ITPRID1: variants seen among roughly 807,000 people sequenced by gnomAD.
ITPRID1 encodes the protein ITPR interacting domain containing 1.
ITPRID1 carries 96 observed loss-of-function variants against 95.4 expected under a neutral mutation model. The observed-to-expected ratio is 1.01, with a 90% CI of 0.85 to 1.19. ITPRID1 has a LOEUF of 1.19. Ranked by LOEUF, ITPRID1 falls within the 50% of genes most tolerant of loss-of-function variation. The pLI, the probability that ITPRID1 is intolerant of heterozygous loss-of-function variation, is 0.00. For synonymous variants in ITPRID1, 510 were observed against 453.6 expected, an observed-to-expected ratio of 1.12 and a Z score of -1.58; for missense variants, 1,339 against 1,252.9, an observed-to-expected ratio of 1.07 and a Z score of -1.04.
Position 31,578,153 on chromosome 7 carries a change from C to A in ITPRID1, c.889C>A (p.Leu297Ile). 6.2e-7 allele frequency: 1 copy of A among 1,613,734 alleles called. No individual in the cohort carries two copies. Among genetic ancestry groups the A allele is most frequent in the Non-Finnish European group, 8.5e-7 (1 of 1,179,800 alleles). ...FTKPWDCGAE[L>I]AATSINHKQN... is the part of the protein sequence containing the mutation. ...AAAACCATGGGATTGTGGAGCAGAG[C>A]TAGCAGCAACCTCAATCAACCACAA... is the stretch of plus-strand genomic sequence containing the variant. Residue 297 changes from leucine to isoleucine, a missense_variant, in exon 9 of 15, where the codon CTA becomes ATA. Coordinates refer to ENST00000615280, the MANE Select transcript of ITPRID1 (RefSeq NM_001257967.3).
chr7:31,633,355 A>G (rs1322429603), intron 10 of ITPRID1, among the ~76,000 whole-genome samples: 3 of 152,218 alleles, frequency 2.0e-5, no homozygotes, highest in South Asian at 2.1e-4. Context: ...CCTAAAACGT[A>G]TGATGCTCTC....
intron 10 of ITPRID1, among the ~76,000 whole-genome samples, chr7:31,621,561 G>C (rs977686087): frequency 2.0e-5 from 3 of 148,114 alleles, no homozygotes; most frequent in South Asian, 2.2e-4. Flanking sequence ...AATGCTGAGA[G>C]ATTTTGTCAC....
chr7:31,544,579 G>A (rs368314950), intron 1 of ITPRID1, among the ~76,000 whole-genome samples: 8 of 151,944 alleles, frequency 5.3e-5, no homozygotes, highest in Admixed American at 2.6e-4. Flanking sequence ...AATAAACAAC[G>A]TTCTCCTTTA....
At chr7:31,642,367 G>A (rs1401841435) in intron 11 of ITPRID1, 109 bp downstream of exon 11, 1 of 776,966 alleles carries the variant, frequency 1.3e-6, no homozygotes, top group Non-Finnish European at 2.1e-6. Context: ...AGAAAGAGGG[G>A]TGTTTTAAAT....
chr7:31,606,217 C>G (rs540694825), intron 10 of ITPRID1, among the ~76,000 whole-genome samples: 1 of 152,178 alleles, frequency 6.6e-6, no homozygotes, highest in African/African-American at 2.4e-5. Flanking sequence ...TATTTGCTCT[C>G]TGTTAACTAT....
chr7:31,588,246 A>G (rs1445636102), intron 10 of ITPRID1, among the ~76,000 whole-genome samples: 1 of 152,132 alleles, frequency 6.6e-6, no homozygotes. Context: ...CATAGAAGGA[A>G]GGAATGGCAC....
intron 10 of ITPRID1, among the ~76,000 whole-genome samples, chr7:31,603,477 T>G: frequency 6.6e-6 from 1 of 152,018 alleles, no homozygotes; most frequent in Non-Finnish European, 1.5e-5. Flanking sequence ...CTTAATTGAC[T>G]GAGTATGTTC....
intron 10 of ITPRID1, among the ~76,000 whole-genome samples, chr7:31,616,559 A>T (rs960226526): frequency 2.6e-5 from 4 of 151,738 alleles, no homozygotes; most frequent in African/African-American, 4.9e-5. Context: ...CCCTCCACCC[A>T]CTGACAAAGT....
chr7:31,589,848 A>G (rs1042418643), intron 10 of ITPRID1, among the ~76,000 whole-genome samples: 1 of 152,160 alleles, frequency 6.6e-6, no homozygotes, highest in African/African-American at 2.4e-5. Context: ...GTTGTATACC[A>G]TATGTTGATG....
At chr7:31,573,195 T>C (rs1475726261) in intron 7 of ITPRID1, among the ~76,000 whole-genome samples, 3 of 152,324 alleles carry the variant, frequency 2.0e-5, no homozygotes, top group African/African-American at 4.8e-5. Context: ...TATTAACTTA[T>C]TGTGATTTCA....
At chr7:31,515,889 T>A (rs1783026191) in intron 1 of ITPRID1, among the ~76,000 whole-genome samples, 1 of 152,178 alleles carries the variant, frequency 6.6e-6, no homozygotes, top group Non-Finnish European at 1.5e-5. Context: ...TCCAAAATGT[T>A]GTGAAGTTTT....
At chr7:31,628,461 C>T (rs10262416) in intron 10 of ITPRID1, among the ~76,000 whole-genome samples, 3,917 of 139,840 alleles carry the variant, frequency 0.028, 171 homozygotes, top group African/African-American at 0.099. Flanking sequence ...TTTTTTTTTT[C>T]TTTTTTTTTC....
At chr7:31,519,495 C>G (rs932505224) in intron 1 of ITPRID1, among the ~76,000 whole-genome samples, 1 of 150,398 alleles carries the variant, frequency 6.6e-6, no homozygotes. Context: ...CCACTGTTAG[C>G]ATTGTGTTAT....
At chr7:31,525,290 T>C (rs1783388581) in intron 1 of ITPRID1, among the ~76,000 whole-genome samples, 1 of 152,190 alleles carries the variant, frequency 6.6e-6, no homozygotes, top group Non-Finnish European at 1.5e-5. Context: ...ATCTTTTCCT[T>C]TGTCAAATAC....
chr7:31,650,001 C>T (rs1423065123), intron 12 of ITPRID1, among the ~76,000 whole-genome samples: 2 of 152,040 alleles, frequency 1.3e-5, no homozygotes, highest in Non-Finnish European at 2.9e-5. Context: ...TGAAAAATCA[C>T]AAAGAATTGG....
chr7:31,540,307 A>C lies in ITPRID1; in HGVS notation c.-97-9119A>C, dbSNP rs560223172. Among the ~76,000 whole-genome samples the C allele has an allele frequency of 2.6e-5, 4 of 152,298 alleles. 1 individual carries two copies. Among genetic ancestry groups the C allele is most frequent in the African/African-American group, 9.6e-5 (4 of 41,574 alleles). On this transcript the variant is annotated intron_variant, in intron 1 of 14. Transcript: ENST00000615280. ...TTATTAGTTGTCAGTGCCAGCAGTG[A>C]AGAGATTTCCTCCTGTAATACTGGT...
chr7:31,648,656 A>G (rs1232946624), intron 12 of ITPRID1, among the ~76,000 whole-genome samples: 3 of 152,176 alleles, frequency 2.0e-5, no homozygotes, highest in African/African-American at 4.8e-5. Context: ...TGTTCAGCCT[A>G]TTTGAGCACT....
At chr7:31,629,603 G>A (rs1418443216) in intron 10 of ITPRID1, among the ~76,000 whole-genome samples, 5 of 152,278 alleles carry the variant, frequency 3.3e-5, no homozygotes, top group South Asian at 2.1e-4. Flanking sequence ...GAAGCAGTGC[G>A]AATTTTATCT....
chr7:31,625,115 G>A (rs192851164), intron 10 of ITPRID1, among the ~76,000 whole-genome samples: 81,404 of 151,614 alleles, frequency 0.54, 22,328 homozygotes, highest in East Asian at 0.83. Context: ...TTAAGAAGTC[G>A]GGAAACAACA....
Sources: gnomAD v4.1 joint callset for allele counts (sites outside exome capture counted in the v4.1 genomes callset) on GRCh38, gnomAD v4.1.1 for gene constraint, MANE v1.5 for transcripts, NCBI Gene and HGNC (gene_info 2026-07-23, HGNC 2026-07-21) for gene names.